Variants in SHTN1 observed in about 807,000 individuals in gnomAD.
SHTN1 encodes shootin-1.
In SHTN1, 42 loss-of-function variants were observed where a neutral mutation model predicts 83.1. The observed-to-expected ratio is 0.51, with a 90% CI of 0.39 to 0.65. The LOEUF (loss-of-function observed/expected upper bound fraction) is 0.65, where lower values mean the gene tolerates loss of function less well. SHTN1 is among the 30% of genes least tolerant of loss of function. The pLI is 0.00. For missense variants in SHTN1, 622 were observed against 737.8 expected, an observed-to-expected ratio of 0.84 and a Z score of 1.82; for synonymous variants, 224 against 247.7, an observed-to-expected ratio of 0.90 and a Z score of 0.90.
At chr10:116,994,750 A>AT (rs979975984) in intron 1 of SHTN1, among the ~76,000 whole-genome samples, 42 of 152,126 alleles carry the variant, frequency 2.8e-4, no homozygotes, top group African/African-American at 9.4e-4. Flanking sequence ...TCCTATTTTG[A>AT]TTGTTTTGAA....
intron 2 of SHTN1, chr10:116,973,978 C>A (rs1216811846): frequency 1.7e-6 from 2 of 1,211,564 alleles, no homozygotes; most frequent in Middle Eastern, 2.3e-4. Flanking sequence ...TTTCTACACT[C>A]TTATCCCTAA....
upstream of SHTN1, chr10:117,005,218 C>T: frequency 6.6e-7 from 1 of 1,508,630 alleles, no homozygotes. Flanking sequence ...TCCTCCTCCT[C>T]CTGGCGCGGA....
At chr10:117,083,129 C>G (rs1853296569) in intron 1 of SHTN1, among the ~76,000 whole-genome samples, 1 of 151,038 alleles carries the variant, frequency 6.6e-6, no homozygotes, top group Non-Finnish European at 1.5e-5. Context: ...TCTTCCTAAT[C>G]TCGATGGTCT....
At chr10:116,942,936 G>A (rs1849438242) in intron 8 of SHTN1, among the ~76,000 whole-genome samples, 1 of 152,178 alleles carries the variant, frequency 6.6e-6, no homozygotes, top group African/African-American at 2.4e-5. Context: ...GTGTCTTTGT[G>A]CAGTACTTAC....
At chr10:117,020,437 T>C (rs1292335598) in intron 2 of SHTN1, among the ~76,000 whole-genome samples, 2 of 150,800 alleles carry the variant, frequency 1.3e-5, no homozygotes. Flanking sequence ...GTGGCAGAGG[T>C]TGCAGTGAGC....
At chr10:116,971,258 A>C (rs1850607897) in intron 2 of SHTN1, among the ~76,000 whole-genome samples, 1 of 152,178 alleles carries the variant, frequency 6.6e-6, no homozygotes, top group Non-Finnish European at 1.5e-5. Flanking sequence ...GACCTAACTT[A>C]TTTACCAAAG....
Position 116,915,460 on chromosome 10 carries a change from C to T in SHTN1, c.1220G>A (p.Arg407Lys). 1.2e-6 allele frequency: 2 copies of T among 1,606,622 alleles called. No individual in the cohort carries two copies. The highest frequency in any genetic ancestry group is 1.7e-6 in the Non-Finnish European group (2 of 1,173,366). The change falls in exon 13 of 17, where the codon AGG (arginine) becomes AAG (lysine). Residue 407 changes from arginine to lysine, a missense_variant. By Grantham distance (26) the Arg-to-Lys change is conservative (BLOSUM62 2). This residue lies in a region of SHTN1 where 8 missense variants were observed against 30.5 expected (regional missense o/e 0.26). Coordinates refer to ENST00000355371, the MANE Select transcript of SHTN1 (RefSeq NM_001127211.3). ...ATCCATCATCTCTTCAACTGCTTGC[C>T]TCTTTAGATCTGTGACTTCTTCAGC... Reference protein sequence around the residue: ...ETTEEVTDLKRQAVEEMMDRI... With the variant: ...ETTEEVTDLKKQAVEEMMDRI...
At chr10:116,925,029 T>C (rs1848695503) in intron 11 of SHTN1, among the ~76,000 whole-genome samples, 1 of 152,154 alleles carries the variant, frequency 6.6e-6, no homozygotes, top group South Asian at 2.1e-4. Flanking sequence ...GTGCTGGGAT[T>C]ACAGGCGTGA....
chr10:117,061,890 TC>T (rs954090342), intron 1 of SHTN1, among the ~76,000 whole-genome samples: 1 of 152,162 alleles, frequency 6.6e-6, no homozygotes, highest in African/African-American at 2.4e-5. Context: ...AAAATAACAC[TC>T]TTACTGACGT....
intron 2 of SHTN1, among the ~76,000 whole-genome samples, chr10:117,011,012 C>G (rs1852095629): frequency 6.6e-6 from 1 of 152,070 alleles, no homozygotes; most frequent in Admixed American, 6.6e-5. Flanking sequence ...AAATTAGGAA[C>G]GAGACAAGAA....
At chr10:116,949,121 G>C in intron 6 of SHTN1, 124 bp from the exon 7 acceptor site, 1 of 1,082,278 alleles carries the variant, frequency 9.2e-7, no homozygotes, top group South Asian at 2.3e-5. Flanking sequence ...GCAGAAATTG[G>C]TTTCAATGTG....
chr10:117,025,204 C>T (rs1852313994), intron 2 of SHTN1, among the ~76,000 whole-genome samples: 1 of 152,186 alleles, frequency 6.6e-6, no homozygotes, highest in African/African-American at 2.4e-5. Flanking sequence ...TAATGCCACC[C>T]CTCACCCATC....
intron 1 of SHTN1, among the ~76,000 whole-genome samples, chr10:117,061,021 C>T (rs1255408387): frequency 6.6e-6 from 1 of 152,098 alleles, no homozygotes; most frequent in Admixed American, 6.6e-5. Context: ...GAAACAACAA[C>T]ACATTTTTAA....
intron 14 of SHTN1, 111 bp downstream of exon 14, chr10:116,911,679 A>G: frequency 1.3e-6 from 2 of 1,578,500 alleles, no homozygotes; most frequent in Non-Finnish European, 8.7e-7. Context: ...AGATGAGGCT[A>G]ATTGTAAATG....
At chr10:116,967,213 T>C (rs985420201) in intron 3 of SHTN1, among the ~76,000 whole-genome samples, 4 of 152,228 alleles carry the variant, frequency 2.6e-5, no homozygotes, top group Non-Finnish European at 5.9e-5. Context: ...CCTTTGCCTA[T>C]GACATATTTC....
intron 2 of SHTN1, among the ~76,000 whole-genome samples, chr10:117,036,546 A>C (rs189483981): frequency 6.6e-6 from 1 of 152,368 alleles, no homozygotes; most frequent in South Asian, 2.1e-4. Context: ...AAAGACAAAC[A>C]TCACATGCTC....
intron 1 of SHTN1, among the ~76,000 whole-genome samples, chr10:117,093,998 CA>C (rs1853470935): frequency 6.6e-6 from 1 of 152,082 alleles, no homozygotes; most frequent in African/African-American, 2.4e-5. Flanking sequence ...TTTTGAGAAA[CA>C]AATTTGATAT....
intron 16 of SHTN1, among the ~76,000 whole-genome samples, chr10:116,895,270 T>C (rs1484639825): frequency 6.6e-6 from 1 of 152,196 alleles, no homozygotes; most frequent in Non-Finnish European, 1.5e-5. Flanking sequence ...ATGGTTAAAA[T>C]GTTCAATAAA....
At chr10:117,123,221 C>G (rs756134072) in intron 1 of SHTN1, among the ~76,000 whole-genome samples, 2 of 152,166 alleles carry the variant, frequency 1.3e-5, no homozygotes, top group African/African-American at 2.4e-5. Flanking sequence ...AGGCTGGTCT[C>G]AAACTCCTGA....
Sources: gnomAD v4.1 joint callset for allele counts (sites outside exome capture counted in the v4.1 genomes callset) on GRCh38, gnomAD v4.1.1 for gene constraint, gnomAD v4.1.1 regional missense constraint, MANE v1.5 for transcripts, NCBI Gene and HGNC (gene_info 2026-07-23, HGNC 2026-07-21) for gene names.